Variants in HERC3 observed in about 807,000 individuals in gnomAD.
HERC3 encodes probable E3 ubiquitin-protein ligase HERC3.
Under a neutral mutation model 129.9 loss-of-function variants are expected in HERC3, and 58 were observed. That is an observed-to-expected ratio of 0.45 (90% CI 0.36 to 0.56). The LOEUF (loss-of-function observed/expected upper bound fraction) is 0.56, where lower values mean the gene tolerates loss of function less well. Among genes scored for constraint, HERC3 ranks in the 20% least tolerant of loss-of-function variants. The pLI is 0.00. For synonymous variants in HERC3, 430 were observed against 451.0 expected (o/e 0.95, Z 0.59); for missense variants, 835 against 1,244.2 (o/e 0.67, Z 4.95).
intron 23 of HERC3, chr4:88,697,144 T>C: frequency 1.4e-6 from 2 of 1,441,616 alleles, no homozygotes; most frequent in Non-Finnish European, 9.2e-7. Flanking sequence ...ATCGATATTC[T>C]GGGAAAAACA....
At chr4:88,610,179 G>T (rs1478089229) in intron 3 of HERC3, among the ~76,000 whole-genome samples, 1 of 152,126 alleles carries the variant, frequency 6.6e-6, no homozygotes, top group Non-Finnish European at 1.5e-5. Context: ...CCTGGGCCAG[G>T]TGCAGTGGCT....
Position 88,707,030 on chromosome 4 carries a change from T to G in HERC3, c.*70T>G, listed in dbSNP as rs1225460416. On this transcript the variant is annotated 3_prime_UTR_variant, in exon 26 of 26. Transcript: ENST00000402738. The stretch of plus-strand genomic sequence containing the variant: ...ACATTGAGGCCTATACAGAAAATCA[T>G]GGGGAGTGATTTCTATTTTTTTATT... 2 of 1,204,750 alleles carry G rather than the reference T, an allele frequency of 1.7e-6. No homozygotes were observed. The highest frequency in any genetic ancestry group is 3.0e-5 in the African/African-American group (2 of 66,082). 74.6% of individuals were successfully genotyped at this position (1,204,750 alleles called of 1,614,324 possible). A position where few individuals can be genotyped will look rare whatever the true frequency, so the allele number is the denominator to read the frequency against.
At chr4:88,586,833 G>A in the HERC3 span, among the ~76,000 whole-genome samples, 1 of 152,130 alleles carries the variant, frequency 6.6e-6, no homozygotes. Context: ...AAAACAAGTT[G>A]CTTTTCATTT....
At chr4:88,579,242 T>TATATATATATATAA in the HERC3 span, among the ~76,000 whole-genome samples, 1 of 147,966 alleles carries the variant, frequency 6.8e-6, no homozygotes, top group Admixed American at 6.7e-5. Flanking sequence ...AATATATATA[T>TATATATATATATAA]ATATATATAT....
intron 22 of HERC3, 114 bp downstream of exon 22, chr4:88,686,916 A>C (rs1733541922): frequency 4.8e-6 from 4 of 825,770 alleles, no homozygotes; most frequent in Admixed American, 4.3e-5. Context: ...GACTTCTTTG[A>C]ATCAAATTAT....
chr4:88,544,411 A>G, the HERC3 span, among the ~76,000 whole-genome samples: 3 of 152,234 alleles, frequency 2.0e-5, no homozygotes, highest in Non-Finnish European at 4.4e-5. Flanking sequence ...TTAAAAAGTC[A>G]GGAAACAACA....
At chr4:88,540,351 T>C in the HERC3 span, among the ~76,000 whole-genome samples, 1 of 152,212 alleles carries the variant, frequency 6.6e-6, no homozygotes, top group East Asian at 1.9e-4. Flanking sequence ...ATATCAGTGA[T>C]TGAAGATCAA....
intron 23 of HERC3, among the ~76,000 whole-genome samples, chr4:88,702,751 G>A (rs1485994423): frequency 1.3e-5 from 2 of 152,136 alleles, no homozygotes; most frequent in South Asian, 4.1e-4. Context: ...TTACCTACCC[G>A]CTAGCACAGT....
At chr4:88,627,795 T>C in intron 3 of HERC3, among the ~76,000 whole-genome samples, 1 of 151,340 alleles carries the variant, frequency 6.6e-6, no homozygotes, top group Non-Finnish European at 1.5e-5. Flanking sequence ...TCCCAGCTAC[T>C]TGGGAGGCTG....
At chr4:88,633,984 A>G (rs1727067612) in intron 3 of HERC3, among the ~76,000 whole-genome samples, 1 of 152,204 alleles carries the variant, frequency 6.6e-6, no homozygotes, top group South Asian at 2.1e-4. Flanking sequence ...CTCCCATGGA[A>G]AAGATCCAAA....
the HERC3 span, among the ~76,000 whole-genome samples, chr4:88,560,643 T>G: frequency 1.4e-4 from 21 of 152,308 alleles, no homozygotes; most frequent in African/African-American, 4.8e-4. Flanking sequence ...TGGTGTGATA[T>G]CCAAAAAATT....
chr4:88,570,833 A>C, the HERC3 span, among the ~76,000 whole-genome samples: 1 of 151,978 alleles, frequency 6.6e-6, no homozygotes, highest in South Asian at 2.1e-4. Context: ...AGTGCACTGC[A>C]AGCTCCGCCT....
At chr4:88,667,509 A>G in intron 13 of HERC3, 21 bp downstream of exon 13, 1 of 1,333,876 alleles carries the variant, frequency 7.5e-7, no homozygotes, top group Non-Finnish European at 1.0e-6. Context: ...ATATTTGTAA[A>G]GTGCATTCTT....
At chr4:88,662,065 A>C (rs1225746577) in intron 10 of HERC3, among the ~76,000 whole-genome samples, 1 of 152,196 alleles carries the variant, frequency 6.6e-6, no homozygotes, top group Non-Finnish European at 1.5e-5. Flanking sequence ...AGGATTGCGC[A>C]GAGGGAGGGG....
intron 3 of HERC3, among the ~76,000 whole-genome samples, chr4:88,627,249 G>C (rs1726200188): frequency 6.6e-6 from 1 of 151,706 alleles, no homozygotes; most frequent in African/African-American, 2.4e-5. Flanking sequence ...TCTTTCATCA[G>C]AGTACAGTTA....
intron 3 of HERC3, among the ~76,000 whole-genome samples, chr4:88,621,992 T>C (rs1011327223): frequency 6.6e-6 from 1 of 152,044 alleles, no homozygotes; most frequent in Non-Finnish European, 1.5e-5. Flanking sequence ...GTTATTGAGA[T>C]ACAATTTGCA....
intron 1 of HERC3, among the ~76,000 whole-genome samples, chr4:88,594,584 T>C (rs896601173): frequency 6.6e-6 from 1 of 152,132 alleles, no homozygotes; most frequent in Non-Finnish European, 1.5e-5. Context: ...TTTGTAGTTT[T>C]TGGTTTCGCC....
chr4:88,533,594 G>C, the HERC3 span, among the ~76,000 whole-genome samples: 1 of 152,196 alleles, frequency 6.6e-6, no homozygotes, highest in Non-Finnish European at 1.5e-5. Flanking sequence ...AAGGGGACCG[G>C]TGAGAAACAG....
At chr4:88,598,261 A>G (rs1203423820) in intron 2 of HERC3, among the ~76,000 whole-genome samples, 1 of 152,184 alleles carries the variant, frequency 6.6e-6, no homozygotes, top group Non-Finnish European at 1.5e-5. Context: ...AAGTTTAGGA[A>G]CTGAAGGTTG....
Sources: allele counts gnomAD v4.1 joint callset (sites outside exome capture counted in the v4.1 genomes callset), GRCh38; gene constraint gnomAD v4.1.1; transcripts MANE v1.5; gene names NCBI Gene and HGNC (gene_info 2026-07-23, HGNC 2026-07-21).